The following ANKH variants were observed in gnomAD, a reference collection of about 807,000 sequenced individuals.
ANKH encodes ANKH inorganic pyrophosphate transport regulator.
Under a neutral mutation model 49.0 loss-of-function variants are expected in ANKH, and 15 were observed. That is an observed-to-expected ratio of 0.31 (90% CI 0.20 to 0.47). The LOEUF (loss-of-function observed/expected upper bound fraction) is 0.47, where lower values mean the gene tolerates loss of function less well. Among genes scored for constraint, ANKH ranks in the 20% least tolerant of loss-of-function variants. The probability of loss-of-function intolerance (pLI) is 1.00; values close to 1 mark genes in which losing one functional copy is unlikely to be tolerated. For missense variants in ANKH, 429 were observed against 652.0 expected (o/e 0.66, Z 3.72); for synonymous variants, 273 against 260.0 (o/e 1.05, Z -0.48).
chr5:14,739,797 T>TTTTG (rs747908675), intron 8 of ANKH, among the ~76,000 whole-genome samples: 8 of 152,146 alleles, frequency 5.3e-5, no homozygotes, highest in Non-Finnish European at 8.8e-5. Context: ...AAATTATGGG[T>TTTTG]TTTGACTAGT....
chr5:14,801,170 A>G (rs1740556672), intron 1 of ANKH, among the ~76,000 whole-genome samples: 1 of 152,224 alleles, frequency 6.6e-6, no homozygotes, highest in African/African-American at 2.4e-5. Context: ...ATATCTTGGA[A>G]GATTTAACAG....
chr5:14,800,516 G>T (rs117873687), intron 1 of ANKH, among the ~76,000 whole-genome samples: 1 of 152,104 alleles, frequency 6.6e-6, no homozygotes, highest in African/African-American at 2.4e-5. Context: ...CCAACCTTCA[G>T]GAACCACCAC....
At chr5:14,767,417 C>A (rs4701617) in intron 2 of ANKH, among the ~76,000 whole-genome samples, 2,560 of 152,188 alleles carry the variant, frequency 0.017, 70 homozygotes, top group African/African-American at 0.059. Flanking sequence ...TGGAAAAATG[C>A]TGTGATTGCA....
chr5:14,807,113 C>CTTTTTT (rs35180875), intron 1 of ANKH, among the ~76,000 whole-genome samples: 5 of 127,704 alleles, frequency 3.9e-5, no homozygotes, highest in Non-Finnish European at 6.6e-5. Context: ...CATGATATTT[C>CTTTTTT]TTTTTTTTTT....
intron 1 of ANKH, among the ~76,000 whole-genome samples, chr5:14,855,117 T>G (rs1742219279): frequency 6.6e-6 from 1 of 152,110 alleles, no homozygotes; most frequent in Non-Finnish European, 1.5e-5. Context: ...CATCTTTCAT[T>G]CCTCTACTGG....
chr5:14,713,739 G>T lies in ANKH; in HGVS notation c.1142-72C>A. ...CCCCATCCTGCTGCCTCTGGACCAG[G>T]GCAGCACATCCGAGAGCCAGGGGCT... On this transcript the variant is annotated intron_variant, in intron 9 of 11. Coordinates refer to ENST00000284268, the MANE Select transcript of ANKH (RefSeq NM_054027.6). This position sits in a 1 kb window ranked among gnomAD's most constrained non-coding sequence, Gnocchi z 4.4. The T allele has an allele frequency of 6.2e-7, 1 of 1,608,450 alleles. No homozygotes were observed. Among genetic ancestry groups the T allele is most frequent in the South Asian group, 1.1e-5 (1 of 90,860 alleles).
rs762202598 is a variant in ANKH, at chr5:14,769,198, AG to A, written c.97-8del. 12 of 1,609,542 alleles carry A rather than the reference AG, an allele frequency of 7.5e-6. No homozygotes were observed. Among genetic ancestry groups the A allele is most frequent in the South Asian group, 1.1e-5 (1 of 90,354 alleles). On this transcript the variant is annotated splice_region_variant and splice_polypyrimidine_tract_variant and intron_variant, in intron 1 of 11. Transcript: ENST00000284268. ...CAATGCCCCGGTTCAAGGCCTGGGA[AG>A]GGGGAAAAAAACCCACAAGCATTAG...
chr5:14,773,351 T>TTA (rs1356543485), intron 1 of ANKH, among the ~76,000 whole-genome samples: 1 of 125,942 alleles, frequency 7.9e-6, no homozygotes, highest in African/African-American at 3.0e-5. Context: ...TGGCAAAGCA[T>TTA]TCTTTTTTTT....
At chr5:14,738,707 T>C (rs1580018958) in intron 8 of ANKH, among the ~76,000 whole-genome samples, 2 of 151,244 alleles carry the variant, frequency 1.3e-5, no homozygotes, top group Non-Finnish European at 2.9e-5. Flanking sequence ...GAATTCGACA[T>C]CAGCCTGAGC....
chr5:14,778,524 C>T (rs1346305562), intron 1 of ANKH, among the ~76,000 whole-genome samples: 1 of 152,180 alleles, frequency 6.6e-6, no homozygotes, highest in Non-Finnish European at 1.5e-5. Flanking sequence ...TTTGCCTCCA[C>T]CATCCAGAGT....
In ANKH at chr5:14,786,554, A is replaced by C. The variant is rs1342272578; in HGVS notation, c.97-17363T>G. 2.0e-5 allele frequency among the ~76,000 whole-genome samples: 3 copies of C among 152,334 alleles called. No individual in the cohort carries two copies. The South Asian group carries it at 6.2e-4, about 32-fold the overall frequency. On this transcript the variant is annotated intron_variant, in intron 1 of 11. Coordinates refer to ENST00000284268, the MANE Select transcript of ANKH (RefSeq NM_054027.6). ...CTACAGAGAAGCCGGCTCCCAGAAG[A>C]AGCAATGCTCACAGGGCACAGACAC... is the stretch of plus-strand genomic sequence containing the variant.
chr5:14,871,479 C>T lies in ANKH; in HGVS notation c.-32G>A, dbSNP rs1444568625. On this transcript the variant is annotated 5_prime_UTR_variant, in exon 1 of 12. Transcript: ENST00000284268. The stretch of plus-strand genomic sequence containing the variant: ...CGCCGTGGGCTGACCCCACACACAT[C>T]TGCTGCCGCGAGGGGACTCTGCGGG... 6.3e-7 allele frequency: 1 copy of T among 1,580,664 alleles called. No individual in the cohort carries two copies. The highest frequency in any genetic ancestry group is 8.7e-7 in the Non-Finnish European group (1 of 1,154,232).
rs1463416831 is a variant in ANKH, at chr5:14,751,052, T to A, written c.687+17A>T. 1 of 1,613,708 alleles carries A rather than the reference T, an allele frequency of 6.2e-7. No homozygotes were observed. The highest frequency in any genetic ancestry group is 8.5e-7 in the Non-Finnish European group (1 of 1,179,684). ...CTCTGAGTCTCAGACAGACTGCTGT[T>A]GGGTTGGTAGACGTACCCCCAGCTC... On this transcript the variant is annotated intron_variant, in intron 5 of 11. Transcript: ENST00000284268.
chr5:14,797,105 CAAG>C, intron 1 of ANKH: 1 of 1,357,180 alleles, frequency 7.4e-7, no homozygotes, highest in South Asian at 1.2e-5. Flanking sequence ...TCTAAAATCA[CAAG>C]AAGTAAAGAC....
At chr5:14,778,114 G>C (rs949632045) in intron 1 of ANKH, among the ~76,000 whole-genome samples, 1 of 152,176 alleles carries the variant, frequency 6.6e-6, no homozygotes, top group Non-Finnish European at 1.5e-5. Context: ...GGCAACCCCA[G>C]AGCTGGGCAA....
At chr5:14,776,364 G>A (rs1404339921) in intron 1 of ANKH, among the ~76,000 whole-genome samples, 2 of 152,136 alleles carry the variant, frequency 1.3e-5, no homozygotes, top group African/African-American at 2.4e-5. Flanking sequence ...CTGGAGGGTC[G>A]GTCTGGGCTA....
At chr5:14,848,918 T>A (rs1175184876) in intron 1 of ANKH, among the ~76,000 whole-genome samples, 1 of 152,250 alleles carries the variant, frequency 6.6e-6, no homozygotes, top group Non-Finnish European at 1.5e-5. Flanking sequence ...CATTGTTTTA[T>A]AAACTAAAAC....
intron 1 of ANKH, among the ~76,000 whole-genome samples, chr5:14,781,990 C>A (rs1171158575): frequency 7.9e-5 from 12 of 152,114 alleles, no homozygotes; most frequent in Admixed American, 5.9e-4. Context: ...ACTCTCCCTA[C>A]CTACTATCTC....
At chr5:14,789,297 G>A (rs1280675870) in intron 1 of ANKH, among the ~76,000 whole-genome samples, 2 of 152,068 alleles carry the variant, frequency 1.3e-5, no homozygotes, top group South Asian at 2.1e-4. Context: ...CGTAAGAATG[G>A]TTCCAACCTC....
Sources: gnomAD v4.1 joint callset for allele counts (sites outside exome capture counted in the v4.1 genomes callset) on GRCh38, gnomAD v4.1.1 for gene constraint, Gnocchi (gnomAD v3.1) non-coding constraint, MANE v1.5 for transcripts, NCBI Gene and HGNC (gene_info 2026-07-23, HGNC 2026-07-21) for gene names.